Variants in MAGI1 observed in about 807,000 individuals in gnomAD.
MAGI1 encodes membrane associated guanylate kinase, WW and PDZ domain containing 1.
Under a neutral mutation model 139.9 loss-of-function variants are expected in MAGI1, and 58 were observed. The observed-to-expected ratio is 0.41, with a 90% confidence interval of 0.34 to 0.52. MAGI1 has a LOEUF of 0.52. MAGI1 is among the 20% of genes least tolerant of loss of function. The pLI is 0.12. For synonymous variants in MAGI1, 812 were observed against 737.9 expected, an observed-to-expected ratio of 1.10 and a Z score of -1.63; for missense variants, 1,874 against 1,901.6, an observed-to-expected ratio of 0.99 and a Z score of 0.27.
chr3:65,716,723 A>G (rs1189099356), intron 1 of MAGI1, among the ~76,000 whole-genome samples: 1 of 152,144 alleles, frequency 6.6e-6, no homozygotes, highest in Non-Finnish European at 1.5e-5. Flanking sequence ...GAAAGAATAA[A>G]CTCTGCATTC....
At chr3:65,945,425 A>G (rs1453255022) in intron 1 of MAGI1, among the ~76,000 whole-genome samples, 1 of 152,236 alleles carries the variant, frequency 6.6e-6, no homozygotes, top group Non-Finnish European at 1.5e-5. Context: ...CTTAATGGGT[A>G]TGTAGTATCT....
intron 2 of MAGI1, among the ~76,000 whole-genome samples, chr3:65,530,735 ATATATG>A (rs2078642181): frequency 9.3e-6 from 1 of 107,512 alleles, no homozygotes; most frequent in Admixed American, 1.1e-4. Flanking sequence ...ACACGTATAT[ATATATG>A]CACATATATA....
chr3:65,917,356 C>T (rs1413908840), intron 1 of MAGI1, among the ~76,000 whole-genome samples: 11 of 152,184 alleles, frequency 7.2e-5, no homozygotes, highest in Non-Finnish European at 1.2e-4. Flanking sequence ...GGTGGGAATG[C>T]AAAATTATAT....
intron 1 of MAGI1, among the ~76,000 whole-genome samples, chr3:65,839,356 T>C (rs2058730473): frequency 6.6e-6 from 1 of 152,182 alleles, no homozygotes; most frequent in Non-Finnish European, 1.5e-5. Flanking sequence ...ACAGTTAATG[T>C]ATTTATTATA....
chr3:65,365,353 T>C (rs945420748), intron 18 of MAGI1, among the ~76,000 whole-genome samples: 1 of 152,246 alleles, frequency 6.6e-6, no homozygotes, highest in Non-Finnish European at 1.5e-5. Context: ...CAATGTTTCC[T>C]GCAATTTATC....
chr3:65,778,471 C>T (rs166431), intron 1 of MAGI1, among the ~76,000 whole-genome samples: 144,811 of 146,110 alleles, frequency 0.99, 71,793 homozygotes, highest in Middle Eastern at 1. Flanking sequence ...TTGAGAAATG[C>T]AGGAAGGGTT....
chr3:65,883,989 TA>T (rs986385777), intron 1 of MAGI1, among the ~76,000 whole-genome samples: 2 of 151,914 alleles, frequency 1.3e-5, no homozygotes, highest in East Asian at 1.9e-4. Context: ...AAAAGGCTTT[TA>T]AAAAAAATCA....
At chr3:65,450,540 T>C (rs926289826) in intron 6 of MAGI1, among the ~76,000 whole-genome samples, 2 of 152,094 alleles carry the variant, frequency 1.3e-5, no homozygotes, top group African/African-American at 4.8e-5. Context: ...ATTACGTAAT[T>C]TGGGGGGAAA....
intron 14 of MAGI1, among the ~76,000 whole-genome samples, chr3:65,387,596 A>G (rs1184843096): frequency 2.0e-5 from 3 of 152,210 alleles, no homozygotes; most frequent in African/African-American, 7.2e-5. Context: ...TGCTACCACT[A>G]TACTACAGCA....
intron 1 of MAGI1, among the ~76,000 whole-genome samples, chr3:65,636,115 C>T (rs1456353094): frequency 6.6e-6 from 1 of 152,074 alleles, no homozygotes; most frequent in African/African-American, 2.4e-5. Flanking sequence ...GGTCCCGGGG[C>T]AGAGGGAGGA....
intron 1 of MAGI1, among the ~76,000 whole-genome samples, chr3:65,838,694 T>C (rs886204380): frequency 1.3e-5 from 2 of 152,246 alleles, no homozygotes; most frequent in Admixed American, 1.3e-4. Flanking sequence ...GACAATCATG[T>C]ACAGGTTTTT....
At chr3:65,995,768 C>T (rs970422074) in intron 1 of MAGI1, among the ~76,000 whole-genome samples, 2 of 152,108 alleles carry the variant, frequency 1.3e-5, no homozygotes, top group Non-Finnish European at 2.9e-5. Flanking sequence ...TCATTTCTAT[C>T]CTCCTCAACA....
intron 1 of MAGI1, among the ~76,000 whole-genome samples, chr3:65,952,542 C>T (rs917558853): frequency 5.3e-5 from 8 of 152,278 alleles, no homozygotes; most frequent in Non-Finnish European, 1.0e-4. Flanking sequence ...AGGCCGGGCA[C>T]GGTGGCTCGC....
chr3:65,402,424 G>A (rs1944970548), intron 12 of MAGI1, among the ~76,000 whole-genome samples: 1 of 152,134 alleles, frequency 6.6e-6, no homozygotes, highest in Non-Finnish European at 1.5e-5. Context: ...AGGGAAGGGT[G>A]CGAAAGACAG....
chr3:65,870,736 A>T (rs1332678981), intron 1 of MAGI1, among the ~76,000 whole-genome samples: 1 of 151,296 alleles, frequency 6.6e-6, no homozygotes, highest in Non-Finnish European at 1.5e-5. Flanking sequence ...AAAAAGAAAG[A>T]ATGAAAAGGA....
intron 2 of MAGI1, among the ~76,000 whole-genome samples, chr3:65,503,070 C>T (rs919265557): frequency 2.0e-5 from 3 of 152,066 alleles, no homozygotes; most frequent in African/African-American, 7.2e-5. Context: ...CATACACTGC[C>T]CCCTCCCCAC....
chr3:65,737,073 C>T lies in MAGI1; in HGVS notation c.314-114985G>A, dbSNP rs566997074. ...AGGCTGGAGTGCAGTGGCGCGATCT[C>T]GGCTCACTACAAGCTCCACCTCCTG... On this transcript the variant is annotated intron_variant, in intron 1 of 22. Transcript: ENST00000402939. Among the ~76,000 whole-genome samples the T allele has an allele frequency of 1.3e-4, 19 of 151,826 alleles. 1 individual carries two copies. Among genetic ancestry groups the T allele is most frequent in the Admixed American group, 1.2e-3 (19 of 15,250 alleles).
At chr3:65,476,726 T>A (rs950023275) in intron 4 of MAGI1, among the ~76,000 whole-genome samples, 1 of 152,194 alleles carries the variant, frequency 6.6e-6, no homozygotes, top group South Asian at 2.1e-4. Context: ...ATGGTTTAGG[T>A]TATACCATGA....
intron 2 of MAGI1, among the ~76,000 whole-genome samples, chr3:65,519,649 G>A (rs2078065570): frequency 6.6e-6 from 1 of 152,168 alleles, no homozygotes; most frequent in South Asian, 2.1e-4. Flanking sequence ...CTGCCAAAGT[G>A]ATGGAATTAC....
Sources: allele counts gnomAD v4.1 joint callset (sites outside exome capture counted in the v4.1 genomes callset), GRCh38; gene constraint gnomAD v4.1.1; transcripts MANE v1.5; gene names NCBI Gene and HGNC (gene_info 2026-07-23, HGNC 2026-07-21).